MEMO1: variants seen among roughly 807,000 people sequenced by gnomAD.
MEMO1 encodes the protein protein MEMO1.
MEMO1 carries 6 observed loss-of-function variants against 45.2 expected under a neutral mutation model. The observed-to-expected ratio is 0.13, with a 90% CI of 0.07 to 0.26. The LOEUF is 0.26. Ranked by LOEUF, MEMO1 falls within the 10% of genes least tolerant of loss-of-function variation. The probability of loss-of-function intolerance (pLI) is 1.00; values close to 1 mark genes in which losing one functional copy is unlikely to be tolerated. For missense variants in MEMO1, 184 were observed against 370.5 expected (o/e 0.50, Z 4.13); for synonymous variants, 78 against 124.3 (o/e 0.63, Z 2.48).
At chr2:31,889,604 C>T (rs1355873099) in intron 7 of MEMO1, among the ~76,000 whole-genome samples, 1 of 151,994 alleles carries the variant, frequency 6.6e-6, no homozygotes, top group Non-Finnish European at 1.5e-5. Flanking sequence ...ATTCATAATA[C>T]TTTAGTCAGC....
At chr2:32,001,571 T>C (rs950599571) in intron 2 of MEMO1, among the ~76,000 whole-genome samples, 1 of 152,182 alleles carries the variant, frequency 6.6e-6, no homozygotes, top group Admixed American at 6.5e-5. Context: ...GAAAGAACAG[T>C]AGGCTTCAGC....
At chr2:31,969,290 T>C (rs1668996240) in intron 2 of MEMO1, among the ~76,000 whole-genome samples, 1 of 151,058 alleles carries the variant, frequency 6.6e-6, no homozygotes, top group East Asian at 1.9e-4. Flanking sequence ...TCCTGCTTTA[T>C]ACATAATATA....
At chr2:31,912,505 C>A (rs2148121688) in intron 6 of MEMO1, among the ~76,000 whole-genome samples, 2 of 127,654 alleles carry the variant, frequency 1.6e-5, no homozygotes, top group South Asian at 5.0e-4. Context: ...AAGAATGAAA[C>A]TCTGTCTCAA....
chr2:31,960,603 T>G (rs1157096788), intron 2 of MEMO1, among the ~76,000 whole-genome samples: 2 of 152,148 alleles, frequency 1.3e-5, no homozygotes, highest in Non-Finnish European at 2.9e-5. Flanking sequence ...ATTTATTTAT[T>G]TATTTAGAGT....
intron 4 of MEMO1, among the ~76,000 whole-genome samples, chr2:31,928,087 A>T (rs1199303876): frequency 6.6e-6 from 1 of 152,208 alleles, no homozygotes; most frequent in Non-Finnish European, 1.5e-5. Context: ...AATATGCTTT[A>T]ATTTATTCAT....
chr2:31,949,460 T>C lies in MEMO1; in HGVS notation c.62-6077A>G, dbSNP rs553178101. Among the ~76,000 whole-genome samples, 135 of 152,002 alleles carry C rather than the reference T, an allele frequency of 8.9e-4. 3 individuals are homozygous for C. Among genetic ancestry groups the C allele is most frequent in the South Asian group, 8.3e-4 (4 of 4,820 alleles). On this transcript the variant is annotated intron_variant, in intron 2 of 9. Transcript: ENST00000404530. The stretch of plus-strand genomic sequence containing the variant: ...GTCATCTGCAATAACATGGATAGAA[T>C]TGGAGATCATTATGTTAAGTGAAAT...
intron 2 of MEMO1, among the ~76,000 whole-genome samples, chr2:31,969,372 T>C (rs557838517): frequency 1.7e-4 from 25 of 150,822 alleles, no homozygotes; most frequent in African/African-American, 6.1e-4. Context: ...CGTGTATATA[T>C]ATACACATGT....
chr2:31,906,710 T>C (rs1465519104), intron 6 of MEMO1, among the ~76,000 whole-genome samples: 1 of 152,204 alleles, frequency 6.6e-6, no homozygotes, highest in Admixed American at 6.5e-5. Context: ...CAGAATAAAA[T>C]ACAAGTATTT....
At chr2:31,960,454 T>C (rs1220588386) in intron 2 of MEMO1, among the ~76,000 whole-genome samples, 1 of 152,130 alleles carries the variant, frequency 6.6e-6, no homozygotes, top group Non-Finnish European at 1.5e-5. Flanking sequence ...ATGAAAATAA[T>C]TACACTGTAC....
intron 2 of MEMO1, among the ~76,000 whole-genome samples, chr2:32,004,286 T>C (rs1243222210): frequency 1.3e-5 from 2 of 150,552 alleles, no homozygotes; most frequent in Non-Finnish European, 3.0e-5. Flanking sequence ...CAAAGAAATG[T>C]AGCCAGAATA....
At chr2:31,981,559 T>A (rs1332706765) in intron 2 of MEMO1, among the ~76,000 whole-genome samples, 2 of 152,212 alleles carry the variant, frequency 1.3e-5, no homozygotes, top group Non-Finnish European at 2.9e-5. Context: ...ATATTCAAAC[T>A]TCAAATGAAA....
intron 2 of MEMO1, among the ~76,000 whole-genome samples, chr2:31,955,035 G>C (rs952104006): frequency 6.6e-6 from 1 of 151,832 alleles, no homozygotes; most frequent in African/African-American, 2.4e-5. Context: ...GAGCTCAGGA[G>C]TTCAAGACCA....
chr2:32,000,831 G>A, intron 2 of MEMO1, among the ~76,000 whole-genome samples: 1 of 151,212 alleles, frequency 6.6e-6, no homozygotes, highest in East Asian at 1.9e-4. Context: ...GAGGTCCTGA[G>A]AACATGCACC....
At chr2:31,905,535 C>T (rs1053366557) in intron 6 of MEMO1, among the ~76,000 whole-genome samples, 1 of 152,136 alleles carries the variant, frequency 6.6e-6, no homozygotes. Context: ...AAAACTCAAC[C>T]ATTTGAAGCT....
chr2:31,941,442 G>A (rs1665604310), intron 3 of MEMO1, among the ~76,000 whole-genome samples: 1 of 152,040 alleles, frequency 6.6e-6, no homozygotes, highest in Non-Finnish European at 1.5e-5. Context: ...TCCTCTATCT[G>A]CTTTATTTTT....
rs1003455782 is a variant in MEMO1 at position 31,923,425 on chromosome 2, C to G, written c.213-2515G>C. The G allele has an allele frequency of 1.8e-5, 7 of 391,342 alleles. No homozygotes were observed. The Admixed American group carries it at 1.9e-4, about 10-fold the overall frequency. 24.2% of individuals were successfully genotyped at this position (391,342 alleles called of 1,614,324 possible). A position where few individuals can be genotyped will look rare whatever the true frequency, so the allele number is the denominator to read the frequency against. ...GCTAATCCTCACTTCTTGTCATCAC[C>G]TCTATCATCAATTCGAGAACCATTT... On this transcript the variant is annotated intron_variant, in intron 4 of 9. Transcript: ENST00000404530.
intron 8 of MEMO1, among the ~76,000 whole-genome samples, chr2:31,879,181 T>C (rs1430274146): frequency 6.6e-6 from 1 of 152,204 alleles, no homozygotes; most frequent in Non-Finnish European, 1.5e-5. Context: ...CATTCCAATT[T>C]AGATTCTAAG....
At chr2:31,998,406 C>G (rs563690763) in intron 2 of MEMO1, among the ~76,000 whole-genome samples, 4 of 152,184 alleles carry the variant, frequency 2.6e-5, no homozygotes, top group African/African-American at 9.7e-5. Flanking sequence ...CCTCATCCCC[C>G]CAACCTCTTC....
intron 6 of MEMO1, among the ~76,000 whole-genome samples, chr2:31,900,557 G>C (rs1045615465): frequency 2.6e-5 from 4 of 152,092 alleles, no homozygotes; most frequent in South Asian, 2.1e-4. Context: ...GGGAGGGATA[G>C]CATTAGAAGA....
Sources: gnomAD v4.1 joint callset for allele counts (sites outside exome capture counted in the v4.1 genomes callset) on GRCh38, gnomAD v4.1.1 for gene constraint, MANE v1.5 for transcripts, NCBI Gene and HGNC (gene_info 2026-07-23, HGNC 2026-07-21) for gene names.